GNA14: variants seen among roughly 807,000 people sequenced by gnomAD.
The protein encoded by GNA14 is guanine nucleotide-binding protein subunit alpha-14.
In GNA14, 50 loss-of-function variants were observed where a neutral mutation model predicts 42.0. That is an observed-to-expected ratio of 1.19 (90% CI 0.95 to 1.51). GNA14 has a LOEUF of 1.51. Among genes scored for constraint, GNA14 ranks in the 40% most tolerant of loss-of-function variants. The pLI, the probability that GNA14 is intolerant of heterozygous loss-of-function variation, is 0.00. For synonymous variants in GNA14, 173 were observed against 163.1 expected, an observed-to-expected ratio of 1.06 and a Z score of -0.46; for missense variants, 473 against 446.2, an observed-to-expected ratio of 1.06 and a Z score of -0.54.
chr9:77,527,141 A>C (rs1587818019), intron 2 of GNA14, among the ~76,000 whole-genome samples: 1 of 152,332 alleles, frequency 6.6e-6, no homozygotes, highest in East Asian at 1.9e-4. Context: ...ATTTTACAAC[A>C]GGGGAAAAAC....
At chr9:77,489,371 A>G (rs1836717054) in intron 2 of GNA14, among the ~76,000 whole-genome samples, 1 of 152,252 alleles carries the variant, frequency 6.6e-6, no homozygotes, top group Non-Finnish European at 1.5e-5. Context: ...TAAAAAAATA[A>G]CAGAAAACTC....
chr9:77,551,906 G>T (rs759458807), intron 1 of GNA14, among the ~76,000 whole-genome samples: 2 of 151,954 alleles, frequency 1.3e-5, no homozygotes, highest in South Asian at 2.1e-4. Context: ...TTGGGAGGCC[G>T]AGTCAGGCGG....
chr9:77,448,160 A>AT (rs1464293110), intron 2 of GNA14, among the ~76,000 whole-genome samples: 14 of 152,216 alleles, frequency 9.2e-5, no homozygotes, highest in African/African-American at 3.4e-4. Flanking sequence ...CAACAGCAGC[A>AT]TCAAGCTGTT....
At chr9:77,523,412 C>T (rs1837388952) in intron 2 of GNA14, among the ~76,000 whole-genome samples, 1 of 152,010 alleles carries the variant, frequency 6.6e-6, no homozygotes, top group African/African-American at 2.4e-5. Flanking sequence ...TTTCAAACAA[C>T]CAGAATTCAC....
chr9:77,635,871 C>T (rs1221462775), intron 1 of GNA14, among the ~76,000 whole-genome samples: 1 of 152,172 alleles, frequency 6.6e-6, no homozygotes, highest in Non-Finnish European at 1.5e-5. Flanking sequence ...CCACCCCATC[C>T]ATAGGATCAA....
chr9:77,457,618 G>C (rs1726676638), intron 2 of GNA14, among the ~76,000 whole-genome samples: 1 of 152,118 alleles, frequency 6.6e-6, no homozygotes, highest in Non-Finnish European at 1.5e-5. Context: ...CCTACTCTTT[G>C]CACTGAATTT....
intron 2 of GNA14, among the ~76,000 whole-genome samples, chr9:77,436,393 T>C (rs1449318170): frequency 6.6e-6 from 1 of 152,190 alleles, no homozygotes; most frequent in Non-Finnish European, 1.5e-5. Context: ...AAGTGTTACT[T>C]ATATGTAAGT....
intron 4 of GNA14, among the ~76,000 whole-genome samples, chr9:77,429,471 C>T (rs969547215): frequency 7.2e-5 from 11 of 152,208 alleles, no homozygotes; most frequent in African/African-American, 2.7e-4. Flanking sequence ...GCTCCTCTAA[C>T]TTACCTGTAA....
At chr9:77,542,693 T>C (rs1484720577) in intron 1 of GNA14, among the ~76,000 whole-genome samples, 6 of 152,188 alleles carry the variant, frequency 3.9e-5, no homozygotes, top group Admixed American at 3.9e-4. Flanking sequence ...GGAGTGCCAG[T>C]CCCCTGGCCT....
rs1198857146 is a variant in GNA14 at position 77,462,734 on chromosome 9, G to GC, written c.310-28213_310-28212insG. 3.0e-4 allele frequency among the ~76,000 whole-genome samples: 36 copies of GC among 120,910 alleles called. 1 individual carries two copies. In the South Asian group the frequency reaches 0.012, roughly 39 times the overall value. 79.3% of individuals were successfully genotyped at this position (120,910 alleles called of 152,430 possible). On this transcript the variant is annotated intron_variant, in intron 2 of 6. Transcript: ENST00000341700. ...AGACTCCATCTCGGGGCGGGGGGTG[G>GC]GGGGGTGGGAAAAGGAATGACTCAG...
At chr9:77,573,186 C>T (rs1373589220) in intron 1 of GNA14, among the ~76,000 whole-genome samples, 1 of 152,060 alleles carries the variant, frequency 6.6e-6, no homozygotes, top group African/African-American at 2.4e-5. Context: ...CGGTGGCTCA[C>T]GCGTGTAATC....
At chr9:77,571,924 C>CT (rs980132283) in intron 1 of GNA14, among the ~76,000 whole-genome samples, 13 of 151,202 alleles carry the variant, frequency 8.6e-5, no homozygotes, top group East Asian at 5.8e-4. Flanking sequence ...TTAATTTCAT[C>CT]TTTTTTTTTC....
At chr9:77,580,204 CCAG>C (rs1023872963) in intron 1 of GNA14, 1 of 253,286 alleles carries the variant, frequency 3.9e-6, no homozygotes, top group Admixed American at 4.8e-5. Flanking sequence ...CGCCATAGTG[CCAG>C]CCCCTTGGGT....
intron 2 of GNA14, among the ~76,000 whole-genome samples, chr9:77,513,358 T>C (rs1837200538): frequency 1.3e-5 from 2 of 152,202 alleles, no homozygotes. Flanking sequence ...CTTGGGAAAG[T>C]TATTTACCTC....
At chr9:77,478,030 C>CT (rs11455779) in intron 2 of GNA14, among the ~76,000 whole-genome samples, 70,864 of 146,848 alleles carry the variant, frequency 0.48, 17,458 homozygotes, top group East Asian at 0.8. Flanking sequence ...TTAAAGGTGT[C>CT]TTTTTTTTTT....
intron 2 of GNA14, among the ~76,000 whole-genome samples, chr9:77,503,343 A>C (rs547824988): frequency 6.6e-6 from 1 of 152,316 alleles, no homozygotes; most frequent in Admixed American, 6.5e-5. Flanking sequence ...GGAAGAGATA[A>C]AGATGTAAAA....
intron 2 of GNA14, among the ~76,000 whole-genome samples, chr9:77,464,888 A>G (rs1317470756): frequency 6.6e-6 from 1 of 152,188 alleles, no homozygotes; most frequent in Non-Finnish European, 1.5e-5. Flanking sequence ...AAACTTGGAC[A>G]TGGACACACA....
chr9:77,478,598 G>A (rs992781803), intron 2 of GNA14, among the ~76,000 whole-genome samples: 91 of 152,182 alleles, frequency 6.0e-4, no homozygotes, highest in African/African-American at 1.9e-3. Flanking sequence ...CTGAGGAATC[G>A]CCACACTGAC....
chr9:77,606,501 G>T lies in GNA14; in HGVS notation c.124+41169C>A, dbSNP rs1379050689. Among the ~76,000 whole-genome samples the T allele has an allele frequency of 2.0e-5, 3 of 152,082 alleles. No homozygotes were observed. The East Asian group carries it at 5.8e-4, about 29-fold the overall frequency. ...AGCCCTCTCTTTTCAGGAAGTGAAT[G>T]GCCATTATCACTAAAAGAAGTAAAA... is the stretch of plus-strand genomic sequence containing the variant. On this transcript the variant is annotated intron_variant, in intron 1 of 6. Coordinates refer to ENST00000341700, the MANE Select transcript of GNA14 (RefSeq NM_004297.4).
Sources: gnomAD v4.1 joint callset for allele counts (sites outside exome capture counted in the v4.1 genomes callset) on GRCh38, gnomAD v4.1.1 for gene constraint, MANE v1.5 for transcripts, NCBI Gene and HGNC (gene_info 2026-07-23, HGNC 2026-07-21) for gene names.